RUVBL1: variants seen among roughly 807,000 people sequenced by gnomAD.
RUVBL1 encodes the protein ruvB-like 1.
In RUVBL1, 4 loss-of-function variants were observed where a neutral mutation model predicts 52.4. The observed-to-expected ratio is 0.08, with a 90% CI of 0.04 to 0.17. The LOEUF (loss-of-function observed/expected upper bound fraction) is 0.17, where lower values mean the gene tolerates loss of function less well. Among genes scored for constraint, RUVBL1 ranks in the 10% least tolerant of loss-of-function variants. The probability of loss-of-function intolerance (pLI) is 1.00; values close to 1 mark genes in which losing one functional copy is unlikely to be tolerated. For missense variants in RUVBL1, 298 were observed against 572.8 expected (o/e 0.52, Z 4.90); for synonymous variants, 217 against 214.4 (o/e 1.01, Z -0.10).
intron 2 of RUVBL1, among the ~76,000 whole-genome samples, chr3:128,117,182 T>C (rs754494721): frequency 1.3e-5 from 2 of 152,202 alleles, no homozygotes; most frequent in Non-Finnish European, 2.9e-5. Flanking sequence ...CACTTAATCA[T>C]AGCTTAAGAG....
intron 1 of RUVBL1, among the ~76,000 whole-genome samples, chr3:128,134,587 G>C (rs141258909): frequency 0.023 from 3,484 of 150,922 alleles, 84 homozygotes; most frequent in East Asian, 0.047. Context: ...AGAAGTTCGA[G>C]ACCAGCCTGG....
chr3:128,102,405 A>T (rs757656390), intron 4 of RUVBL1, among the ~76,000 whole-genome samples: 11 of 152,224 alleles, frequency 7.2e-5, no homozygotes, highest in Non-Finnish European at 1.5e-4. Context: ...GATTCTGGTG[A>T]CCCTCAGTGA....
At position 128,081,338 on chromosome 3, in the gene RUVBL1, T is replaced by A. The variant is rs780424922; in HGVS notation, c.1283A>T (p.Glu428Val). The A allele has an allele frequency of 6.2e-7, 1 of 1,614,206 alleles. No homozygotes were observed. Among genetic ancestry groups the A allele is most frequent in the Non-Finnish European group, 8.5e-7 (1 of 1,180,034 alleles). Reference sequence around the variant, plus strand: ...AAGTTCACTGATCTCTTCGACATGCTCTTTCTCAATGCTGTCCTTCCCGTT... The same window carrying A: ...AAGTTCACTGATCTCTTCGACATGCACTTTCTCAATGCTGTCCTTCCCGTT... ...KINGKDSIEK[E>V]HVEEISELFY... Residue 428 changes from glutamate to valine, a missense_variant, in exon 11 of 11, where the codon GAG (glutamate) becomes GTG (valine). This residue lies in a region of RUVBL1 where 161 missense variants were observed against 298.3 expected (regional missense o/e 0.54). Coordinates refer to ENST00000322623, the MANE Select transcript of RUVBL1 (RefSeq NM_003707.3). The surrounding 1 kb of genome is among the most constrained non-coding windows in gnomAD (Gnocchi z 4.8).
chr3:128,105,276 C>T (rs536325035), intron 3 of RUVBL1, among the ~76,000 whole-genome samples: 31 of 152,014 alleles, frequency 2.0e-4, no homozygotes, highest in Admixed American at 7.2e-4. Flanking sequence ...CCCGCCACCA[C>T]GCCCGGCTAA....
chr3:128,074,437 A>G (rs1372939676), intron 9 of RUVBL1, among the ~76,000 whole-genome samples: 1 of 152,194 alleles, frequency 6.6e-6, no homozygotes, highest in African/African-American at 2.4e-5. Context: ...GGCACAAGGA[A>G]CTTTCTGGGC....
At chr3:128,150,739 C>CTATATTATATATTCTCTATATATTCTA (rs1559841267) in intron 1 of RUVBL1, among the ~76,000 whole-genome samples, 2 of 98,986 alleles carry the variant, frequency 2.0e-5, no homozygotes. Flanking sequence ...TATATATATT[C>CTATATTATATATTCTCTATATATTCTA]TATATTATAT....
intron 1 of RUVBL1, among the ~76,000 whole-genome samples, chr3:128,149,625 C>G (rs1011329493): frequency 5.3e-5 from 8 of 152,178 alleles, no homozygotes; most frequent in African/African-American, 1.9e-4. Flanking sequence ...GACTACTTTC[C>G]TTGGGGCCCA....
At chr3:128,064,989 G>C (rs747773414) in exon 10 of RUVBL1, 3 of 1,614,244 alleles carry the variant, frequency 1.9e-6, no homozygotes, top group East Asian at 4.5e-5. Flanking sequence ...CCAACCTCAT[G>C]AATCTCATCG....
intron 1 of RUVBL1, among the ~76,000 whole-genome samples, chr3:128,150,925 T>TA (rs1209588265): frequency 5.4e-5 from 5 of 93,062 alleles, no homozygotes; most frequent in Non-Finnish European, 7.6e-5. Context: ...ATATTATATA[T>TA]ATAATATATT....
exon 10 of RUVBL1, chr3:128,064,851 A>G: frequency 1.3e-6 from 2 of 1,561,566 alleles, no homozygotes. Context: ...TCGTTCCTTC[A>G]TATATGTCTC....
rs987733600 is a variant in RUVBL1 at position 128,132,151 on chromosome 3, A to G, written c.-39-12737T>C. ...CTGCCCTGTCACAGCAGAAAGCAAC[A>G]CAAGGCAGAATTCAACCAGCACCCA... On this transcript the variant is annotated intron_variant, in intron 1 of 9. Coordinates refer to the RUVBL1 transcript ENST00000464873. 1.7e-3 allele frequency among the ~76,000 whole-genome samples: 253 copies of G among 152,320 alleles called. 1 individual carries two copies. The highest frequency in any genetic ancestry group is 5.9e-3 in the African/African-American group (244 of 41,570).
intron 3 of RUVBL1, among the ~76,000 whole-genome samples, chr3:128,105,989 C>T (rs1943226362): frequency 6.6e-6 from 1 of 151,878 alleles, no homozygotes; most frequent in Admixed American, 6.6e-5. Context: ...CCTGCCTCAG[C>T]CTCCCAAGTA....
At chr3:128,150,679 T>C (rs1204499171) in intron 1 of RUVBL1, among the ~76,000 whole-genome samples, 22 of 130,816 alleles carry the variant, frequency 1.7e-4, no homozygotes, top group East Asian at 1.0e-3. Context: ...ATATTCTATA[T>C]ATATTCTATA....
chr3:128,104,445 C>A (rs1397456796), intron 4 of RUVBL1, among the ~76,000 whole-genome samples: 2 of 152,210 alleles, frequency 1.3e-5, no homozygotes, highest in Non-Finnish European at 1.5e-5. Flanking sequence ...CAGGTTCAGA[C>A]CCAGCCCAGG....
intron 1 of RUVBL1, among the ~76,000 whole-genome samples, chr3:128,146,326 G>A (rs1348617583): frequency 6.6e-6 from 1 of 152,152 alleles, no homozygotes; most frequent in Non-Finnish European, 1.5e-5. Context: ...CTGTGTGTGT[G>A]TGTGCATGTG....
chr3:128,122,397 CTTTT>C (rs962685436), intron 1 of RUVBL1, among the ~76,000 whole-genome samples: 3 of 152,184 alleles, frequency 2.0e-5, no homozygotes, highest in African/African-American at 4.8e-5. Context: ...AGTCTTTCAA[CTTTT>C]TTTGTGTCTG....
intron 8 of RUVBL1, among the ~76,000 whole-genome samples, chr3:128,092,155 A>G (rs1942857435): frequency 2.0e-5 from 3 of 152,224 alleles, no homozygotes; most frequent in Admixed American, 2.0e-4. Context: ...TCACATGCAA[A>G]ATAATGAAGT....
At chr3:128,105,766 T>G (rs1459218228) in intron 3 of RUVBL1, among the ~76,000 whole-genome samples, 1 of 152,132 alleles carries the variant, frequency 6.6e-6, no homozygotes. Flanking sequence ...TATGGGCCTC[T>G]GGCTCTCACT....
chr3:128,127,141 G>A (rs1943804806), upstream of RUVBL1, among the ~76,000 whole-genome samples: 1 of 152,174 alleles, frequency 6.6e-6, no homozygotes, highest in Non-Finnish European at 1.5e-5. Context: ...ATGAAGCCAA[G>A]ACAGAGGAAA....
Sources: gnomAD v4.1 joint callset for allele counts (sites outside exome capture counted in the v4.1 genomes callset) on GRCh38, gnomAD v4.1.1 for gene constraint, gnomAD v4.1.1 regional missense constraint, Gnocchi (gnomAD v3.1) non-coding constraint, MANE v1.5 for transcripts, NCBI Gene and HGNC (gene_info 2026-07-23, HGNC 2026-07-21) for gene names.